NDUFA10: variants seen among roughly 807,000 people sequenced by gnomAD.
The protein encoded by NDUFA10 is NADH dehydrogenase [ubiquinone] 1 alpha subcomplex subunit 10, mitochondrial.
A neutral mutation model predicts 47.8 loss-of-function variants in NDUFA10; 40 were observed. The observed-to-expected ratio is 0.84, with a 90% confidence interval of 0.65 to 1.09. NDUFA10 has a LOEUF of 1.09. NDUFA10 is among the 50% of genes least tolerant of loss of function. The pLI is 0.00. For synonymous variants in NDUFA10, 183 were observed against 172.2 expected (o/e 1.06, Z -0.49); for missense variants, 413 against 451.1 (o/e 0.92, Z 0.76).
At chr2:239,961,351 C>A (rs1694847249) in intron 9 of NDUFA10, among the ~76,000 whole-genome samples, 165 bp from the exon 10 acceptor site, 1 of 152,222 alleles carries the variant, frequency 6.6e-6, no homozygotes, top group South Asian at 2.1e-4. Context: ...TGCAAGGATG[C>A]CACAGGTACA....
At chr2:239,983,318 G>A (rs1695859764) in intron 9 of NDUFA10, among the ~76,000 whole-genome samples, 1 of 152,158 alleles carries the variant, frequency 6.6e-6, no homozygotes, top group African/African-American at 2.4e-5. Context: ...TTCACCTCCA[G>A]GTATCCCCAC....
chr2:239,934,312 G>C (rs948823361), intron 4 of NDUFA10, among the ~76,000 whole-genome samples: 1 of 152,114 alleles, frequency 6.6e-6, no homozygotes, highest in East Asian at 1.9e-4. Context: ...GGGAGGGAGT[G>C]GGGGGCAGGT....
intron 5 of NDUFA10, chr2:240,014,530 C>T (rs191612417): frequency 8.8e-6 from 6 of 683,834 alleles, no homozygotes; most frequent in African/African-American, 1.8e-5. Context: ...CACTGGTGGG[C>T]GGCAGGCCCG....
At chr2:239,923,915 T>A (rs1296739131) in intron 4 of NDUFA10, among the ~76,000 whole-genome samples, 1 of 151,934 alleles carries the variant, frequency 6.6e-6, no homozygotes, top group Non-Finnish European at 1.5e-5. Flanking sequence ...ATGAAACAGG[T>A]GATATTACTA....
chr2:239,989,318 A>G (rs1696151299), intron 9 of NDUFA10, among the ~76,000 whole-genome samples: 1 of 152,272 alleles, frequency 6.6e-6, no homozygotes, highest in East Asian at 1.9e-4. Flanking sequence ...TGCTCATATC[A>G]ACTCAGACAA....
rs546833519 is a variant in NDUFA10, at chr2:239,905,829, TGGGAGGGGAGGGGAGGGGAG to T, written c.295-10535_295-10516del. The stretch of plus-strand genomic sequence containing the variant: ...GGGAGGGGAAGGGAGGGGAGCAGAC[TGGGAGGGGAGGGGAGGGGAG>T]GGGAGGGGAGGGGAGCAGCCTGGGA... On this transcript the variant is annotated intron_variant, in intron 4 of 5. Coordinates refer to the NDUFA10 transcript ENST00000419408. Among the ~76,000 whole-genome samples the T allele has an allele frequency of 1.5e-4, 5 of 33,548 alleles. No homozygotes were observed. The East Asian group carries it at 8.0e-3, about 53-fold the overall frequency. 22.0% of individuals were successfully genotyped at this position (33,548 alleles called of 152,430 possible).
At chr2:240,017,745 A>G in intron 4 of NDUFA10, 2 of 1,289,174 alleles carry the variant, frequency 1.6e-6, no homozygotes, top group East Asian at 2.5e-5. Flanking sequence ...GCAAGCTCAC[A>G]GGTGGAGTAC....
chr2:239,938,819 G>A (rs1469747989), intron 4 of NDUFA10, among the ~76,000 whole-genome samples: 4 of 152,222 alleles, frequency 2.6e-5, no homozygotes, highest in Admixed American at 2.0e-4. Context: ...ACGGCGCAGC[G>A]AATGCACCAT....
chr2:239,961,926 A>G (rs1027218225), intron 9 of NDUFA10, among the ~76,000 whole-genome samples: 18 of 152,176 alleles, frequency 1.2e-4, no homozygotes, highest in African/African-American at 3.9e-4. Flanking sequence ...TCTGGGAGAG[A>G]TCAGGGGCTC....
chr2:239,981,553 AAAAATCAGG>A (rs1167550691), intron 9 of NDUFA10, among the ~76,000 whole-genome samples: 1 of 152,218 alleles, frequency 6.6e-6, no homozygotes, highest in Non-Finnish European at 1.5e-5. Flanking sequence ...CTAAAGTCAG[AAAAATCAGG>A]AAAATCCTGG....
At chr2:239,998,499 T>C (rs1696572351) in intron 8 of NDUFA10, among the ~76,000 whole-genome samples, 1 of 151,580 alleles carries the variant, frequency 6.6e-6, no homozygotes, top group Non-Finnish European at 1.5e-5. Context: ...CTGCTGTCTG[T>C]GGCAGGGCCT....
chr2:239,952,621 C>T (rs1311974215), downstream of NDUFA10, among the ~76,000 whole-genome samples: 2 of 152,214 alleles, frequency 1.3e-5, no homozygotes, highest in Non-Finnish European at 2.9e-5. Context: ...TCCCAGAGGC[C>T]TCCCTCCCCT....
chr2:240,020,220 C>A (rs1697563344), intron 3 of NDUFA10, among the ~76,000 whole-genome samples: 1 of 152,182 alleles, frequency 6.6e-6, no homozygotes, highest in Admixed American at 6.5e-5. Context: ...GGCTCAGACC[C>A]CATGAAGCCA....
intron 9 of NDUFA10, among the ~76,000 whole-genome samples, chr2:239,979,315 C>G (rs1695670712): frequency 6.6e-6 from 1 of 151,854 alleles, no homozygotes; most frequent in African/African-American, 2.4e-5. Flanking sequence ...TAGTTAGACC[C>G]CAGTGCTGGC....
chr2:239,999,984 C>T (rs1188924659), intron 8 of NDUFA10, among the ~76,000 whole-genome samples: 2 of 152,284 alleles, frequency 1.3e-5, no homozygotes, highest in South Asian at 4.1e-4. Flanking sequence ...GTCACAGCGC[C>T]GTGGCTCAGC....
chr2:240,000,072 C>G (rs576971190), intron 8 of NDUFA10, among the ~76,000 whole-genome samples: 1 of 152,320 alleles, frequency 6.6e-6, no homozygotes, highest in East Asian at 1.9e-4. Context: ...CCAGCACATA[C>G]AATTATGTAC....
chr2:239,997,482 T>C (rs547585043), intron 8 of NDUFA10, among the ~76,000 whole-genome samples: 83 of 152,332 alleles, frequency 5.4e-4, no homozygotes, highest in Admixed American at 2.6e-3. Flanking sequence ...ATATTCTTTA[T>C]AGGGAAATTC....
intron 9 of NDUFA10, among the ~76,000 whole-genome samples, chr2:239,961,945 G>A (rs757371097): frequency 2.6e-5 from 4 of 152,174 alleles, no homozygotes; most frequent in Non-Finnish European, 4.4e-5. Context: ...TCAGGTGGCG[G>A]TCCACAGAGG....
At chr2:239,981,088 C>T (rs1695754892) in intron 9 of NDUFA10, among the ~76,000 whole-genome samples, 1 of 152,242 alleles carries the variant, frequency 6.6e-6, no homozygotes, top group Non-Finnish European at 1.5e-5. Flanking sequence ...GCAAAGGGTC[C>T]TTTCAGGAGT....
Sources: gnomAD v4.1 joint callset for allele counts (sites outside exome capture counted in the v4.1 genomes callset) on GRCh38, gnomAD v4.1.1 for gene constraint, MANE v1.5 for transcripts, NCBI Gene and HGNC (gene_info 2026-07-23, HGNC 2026-07-21) for gene names.